DRC10: variants seen among roughly 807,000 people sequenced by gnomAD.
DRC10 encodes dynein regulatory complex subunit 10.
At chr12:113,219,956 C>T in the DRC10 span, among the ~76,000 whole-genome samples, 1 of 152,116 alleles carries the variant, frequency 6.6e-6, no homozygotes, top group Non-Finnish European at 1.5e-5. Context: ...CACAGGCACA[C>T]GCCACCAGGC....
chr12:113,209,549 G>A, the DRC10 span, among the ~76,000 whole-genome samples: 1 of 152,138 alleles, frequency 6.6e-6, no homozygotes, highest in Non-Finnish European at 1.5e-5. Context: ...TCGATGCCTA[G>A]CTAATTTTTT....
At chr12:113,196,380 G>T in the DRC10 span, among the ~76,000 whole-genome samples, 4 of 152,150 alleles carry the variant, frequency 2.6e-5, no homozygotes, top group African/African-American at 4.8e-5. Context: ...AACTTTCTCA[G>T]GCCTCAAACG....
chr12:113,205,238 A>G, the DRC10 span, among the ~76,000 whole-genome samples: 6 of 152,032 alleles, frequency 3.9e-5, no homozygotes, highest in African/African-American at 1.4e-4. Context: ...TTTTAAAAAA[A>G]AAAAGCTACT....
the DRC10 span, among the ~76,000 whole-genome samples, chr12:113,211,430 C>T: frequency 1.3e-5 from 2 of 152,248 alleles, no homozygotes; most frequent in African/African-American, 4.8e-5. Flanking sequence ...CAGGCCAGAT[C>T]AGGTGCTAAG....
chr12:113,200,529 TCC>T, the DRC10 span: 1 of 559,310 alleles, frequency 1.8e-6, no homozygotes, highest in Non-Finnish European at 3.3e-6. Context: ...GTCCCACCCA[TCC>T]CCCCCACCAG....
chr12:113,207,385 C>A, the DRC10 span: 1 of 1,464,658 alleles, frequency 6.8e-7, no homozygotes, highest in East Asian at 2.3e-5. Flanking sequence ...ACCCAACCAA[C>A]AAAAGATTTG....
chr12:113,207,460 C>T, the DRC10 span: 1 of 1,613,062 alleles, frequency 6.2e-7, no homozygotes, highest in Non-Finnish European at 8.5e-7. Context: ...GTTCTTCATT[C>T]TCTCCGCCAA....
chr12:113,211,877 G>A, the DRC10 span, among the ~76,000 whole-genome samples: 2 of 151,814 alleles, frequency 1.3e-5, no homozygotes, highest in Non-Finnish European at 2.9e-5. Flanking sequence ...ATCAGCATGG[G>A]CAACAAAATG....
the DRC10 span, chr12:113,195,721 G>A: frequency 2.4e-5 from 38 of 1,613,724 alleles, no homozygotes; most frequent in South Asian, 1.4e-4. Flanking sequence ...GTGGCCGCCC[G>A]TACCATGCGC....
At chr12:113,200,743 T>C in the DRC10 span, 2 of 1,536,102 alleles carry the variant, frequency 1.3e-6, no homozygotes, top group Non-Finnish European at 1.7e-6. Context: ...AACGAGGCTG[T>C]TCTCTGAGAA....
the DRC10 span, among the ~76,000 whole-genome samples, chr12:113,213,193 A>C: frequency 2.4e-4 from 37 of 151,402 alleles, no homozygotes; most frequent in Non-Finnish European, 2.5e-4. Flanking sequence ...AAAAAAAAAA[A>C]AAAAAAAAAA....
the DRC10 span, among the ~76,000 whole-genome samples, chr12:113,203,776 A>C: frequency 7.2e-6 from 1 of 138,082 alleles, no homozygotes; most frequent in Middle Eastern, 3.8e-3. Context: ...GTGCCCAGCT[A>C]ATTTTTTTTT....
the DRC10 span, among the ~76,000 whole-genome samples, chr12:113,201,545 G>A: frequency 6.6e-6 from 1 of 152,224 alleles, no homozygotes; most frequent in Non-Finnish European, 1.5e-5. Context: ...GCATGAAGGT[G>A]TGCGATGAAC....
chr12:113,195,530 T>C, the DRC10 span: 6 of 1,526,434 alleles, frequency 3.9e-6, no homozygotes, highest in Non-Finnish European at 5.3e-6. Context: ...CTTCCTGGCC[T>C]GGTCTCTGGG....
the DRC10 span, among the ~76,000 whole-genome samples, chr12:113,197,879 CAGGTGCAAAGGCCCTGAGGT>C: frequency 6.6e-6 from 1 of 152,204 alleles, no homozygotes; most frequent in Non-Finnish European, 1.5e-5. Flanking sequence ...GAGAAAGCAG[CAGGTGCAAAGGCCCTGAGGT>C]AGGAACAAGC....
chr12:113,195,544 A>G, the DRC10 span: 1 of 1,545,206 alleles, frequency 6.5e-7, no homozygotes, highest in East Asian at 2.3e-5. Flanking sequence ...CTCTGGGAAG[A>G]TAAGGGTCAG....
the DRC10 span, among the ~76,000 whole-genome samples, chr12:113,219,585 T>C: frequency 2.0e-5 from 3 of 152,212 alleles, no homozygotes; most frequent in African/African-American, 7.2e-5. Flanking sequence ...TTATGACACA[T>C]GATTTGCAAA....
the DRC10 span, among the ~76,000 whole-genome samples, chr12:113,206,675 A>G: frequency 6.6e-6 from 1 of 151,664 alleles, no homozygotes; most frequent in South Asian, 2.1e-4. Context: ...ACCCATTCCC[A>G]ACACAGGAGG....
chr12:113,206,654 C>T, the DRC10 span, among the ~76,000 whole-genome samples: 1 of 151,462 alleles, frequency 6.6e-6, no homozygotes, highest in Non-Finnish European at 1.5e-5. Context: ...TTGATTTTGG[C>T]GACACCGAGC....
Sources: gnomAD v4.1 joint callset for allele counts (sites outside exome capture counted in the v4.1 genomes callset) on GRCh38, gnomAD v4.1.1 for gene constraint, MANE v1.5 for transcripts, NCBI Gene and HGNC (gene_info 2026-07-23, HGNC 2026-07-21) for gene names.